Variants in TCF25 observed in about 807,000 individuals in gnomAD.
The protein encoded by TCF25 is ribosome quality control complex subunit TCF25.
A neutral mutation model predicts 83.1 loss-of-function variants in TCF25; 41 were observed. The observed-to-expected ratio is 0.49, with a 90% CI of 0.38 to 0.64. The LOEUF is 0.64. Among genes scored for constraint, TCF25 ranks in the 30% least tolerant of loss-of-function variants. The pLI is 0.00. For missense variants in TCF25, 979 were observed against 914.5 expected (o/e 1.07, Z -0.91); for synonymous variants, 458 against 365.0 (o/e 1.25, Z -2.90).
At chr16:89,889,263 G>T in intron 5 of TCF25, 2 of 395,834 alleles carry the variant, frequency 5.1e-6, no homozygotes, top group South Asian at 1.9e-5. Context: ...GTCTGGTTTT[G>T]AACTCGTGGC....
chr16:89,882,006 G>A (rs1337221747), intron 1 of TCF25, among the ~76,000 whole-genome samples: 1 of 152,100 alleles, frequency 6.6e-6, no homozygotes, highest in South Asian at 2.1e-4. Flanking sequence ...ACCCACCTCG[G>A]CCTCCCAAAG....
chr16:89,873,936 G>C, intron 1 of TCF25, 77 bp downstream of exon 1: 1 of 1,436,368 alleles, frequency 7.0e-7, no homozygotes, highest in South Asian at 1.4e-5. Flanking sequence ...CAGCCGGGTC[G>C]GGGAGCGGGG....
rs1014319366 is a variant in TCF25 at position 89,884,343 on chromosome 16, T to C, written c.355-239T>C. Among the ~76,000 whole-genome samples, 6 of 152,124 alleles carry C rather than the reference T, an allele frequency of 3.9e-5. No homozygotes were observed. In the East Asian group the frequency reaches 1.2e-3, roughly 29 times the overall value. On this transcript the variant is annotated intron_variant, in intron 2 of 17. Transcript: ENST00000263346. ...TGAGAGCTGGACCTGGTCAGGGTCCTGTGAGCCTGTGAGGCTGGACACAGA... is the reference window on the plus strand; with the variant it reads ...TGAGAGCTGGACCTGGTCAGGGTCCCGTGAGCCTGTGAGGCTGGACACAGA...
intron 6 of TCF25, among the ~76,000 whole-genome samples, chr16:89,892,480 C>T (rs1243585861): frequency 6.6e-6 from 1 of 152,100 alleles, no homozygotes; most frequent in African/African-American, 2.4e-5. Context: ...AGGAGCGCTC[C>T]AGGAGTGTGC....
Position 89,894,015 on chromosome 16 carries a change from C to G in TCF25, c.828+157C>G, listed in dbSNP as rs564263972. The G allele has an allele frequency of 2.5e-5, 28 of 1,099,690 alleles. No individual in the cohort carries two copies. The East Asian group carries it at 7.1e-4, about 28-fold the overall frequency. The allele number at this position is 1,099,690 out of a possible 1,614,324, so 68.1% of individuals were successfully genotyped here. ...CTGCAGGGCGGTCTGGCCCTGTGACCAGAAGGAGATGTGTTCGGAGGCTCT... is the reference window on the plus strand; with the variant it reads ...CTGCAGGGCGGTCTGGCCCTGTGACGAGAAGGAGATGTGTTCGGAGGCTCT... On this transcript the variant is annotated intron_variant, in intron 7 of 17. Transcript: ENST00000263346.
Position 89,873,822 on chromosome 16 carries a change from G to A in TCF25, c.155G>A (p.Gly52Glu), listed in dbSNP as rs940267951. 1.3e-6 allele frequency: 2 copies of A among 1,587,950 alleles called. No individual in the cohort carries two copies. Among genetic ancestry groups the A allele is most frequent in the Admixed American group, 3.6e-5 (2 of 55,230 alleles). The change falls in exon 1 of 18, where the codon GGG (glycine) becomes GAG (glutamate). Residue 52 changes from glycine to glutamate, a missense_variant. Physicochemically the swap from Gly to Glu is moderately conservative, Grantham distance 98 (BLOSUM62 -2). Coordinates refer to ENST00000263346, the MANE Select transcript of TCF25 (RefSeq NM_014972.3). ...GGTGTCCGGCGTCCCGGGGGCGCAG[G>A]GAAGGAGGGCGTCCGAGTCAACAAC... ...ELGVRRPGGA[G>E]KEGVRVNNRF...
chr16:89,881,165 C>A (rs545500400), intron 1 of TCF25, among the ~76,000 whole-genome samples: 2 of 152,124 alleles, frequency 1.3e-5, no homozygotes, highest in Non-Finnish European at 1.5e-5. Flanking sequence ...GAGAGAAAGC[C>A]GACTGACCGG....
chr16:89,897,477 C>G (rs2043952956), intron 9 of TCF25, among the ~76,000 whole-genome samples: 1 of 152,252 alleles, frequency 6.6e-6, no homozygotes, highest in African/African-American at 2.4e-5. Context: ...TCTCAGCCCT[C>G]CTGGCAAGCC....
chr16:89,875,629 TCTC>T (rs1374478211), intron 1 of TCF25, among the ~76,000 whole-genome samples: 3 of 148,878 alleles, frequency 2.0e-5, no homozygotes, highest in African/African-American at 7.4e-5. Context: ...TTCACGCCAT[TCTC>T]CTGCCTCAGC....
In TCF25 at chr16:89,911,331, G is replaced by A. The variant is rs146363553; in HGVS notation, c.*93G>A. The A allele has an allele frequency of 2.8e-3, 4,249 of 1,512,658 alleles. 62 individuals carry two copies. In the South Asian group the frequency reaches 0.03, roughly 11 times the overall value. The allele number at this position is 1,512,658 out of a possible 1,614,324, so 93.7% of individuals were successfully genotyped here. A position where few individuals can be genotyped will look rare whatever the true frequency, so the allele number is the denominator to read the frequency against. ...CAGTTGCCTGAAGTAGGGAAGCTGA[G>A]TGTGTCGCTCCCTGGTCCACTGTTT... On this transcript the variant is annotated 3_prime_UTR_variant, in exon 18 of 18. Coordinates refer to ENST00000263346, the MANE Select transcript of TCF25 (RefSeq NM_014972.3).
chr16:89,874,263 T>G (rs1387575541), intron 1 of TCF25, among the ~76,000 whole-genome samples: 1 of 143,294 alleles, frequency 7.0e-6, no homozygotes, highest in African/African-American at 2.6e-5. Context: ...TAAATGGGCC[T>G]GCGGCCACGT....
In TCF25 at chr16:89,886,589, C is replaced by G. The variant is rs183772376; in HGVS notation, c.548+623C>G. Among the ~76,000 whole-genome samples the G allele has an allele frequency of 4.6e-5, 7 of 151,970 alleles. No individual in the cohort carries two copies. In the East Asian group the frequency reaches 1.4e-3, roughly 29 times the overall value. ...ACCAGCCTGACCAAGATGGAGAAAC[C>G]CCATCTCTAGTAAAAGTACAAAATT... is the stretch of plus-strand genomic sequence containing the variant. On this transcript the variant is annotated intron_variant, in intron 4 of 17. Transcript: ENST00000263346.
chr16:89,907,346 ACCTCCCAGCTCCCACCTCCCT>A (rs2044886256), intron 16 of TCF25, 24 bp downstream of exon 16: 2 of 1,528,278 alleles, frequency 1.3e-6, no homozygotes, highest in Admixed American at 1.7e-5. Context: ...TCCAGTTCCC[ACCTCCCAGCTCCCACCTCCCT>A]CCTCCCAGTT....
chr16:89,896,881 C>G (rs62052180), intron 9 of TCF25, among the ~76,000 whole-genome samples: 11,391 of 152,092 alleles, frequency 0.075, 646 homozygotes, highest in East Asian at 0.26. Context: ...AAACTAGCTG[C>G]GCCTGGTGGC....
At chr16:89,881,300 T>C (rs2042589779) in intron 1 of TCF25, among the ~76,000 whole-genome samples, 1 of 152,192 alleles carries the variant, frequency 6.6e-6, no homozygotes, top group East Asian at 1.9e-4. Flanking sequence ...GGCTTGGAGC[T>C]GATTGTGTTT....
chr16:89,896,521 C>G (rs2043860589), intron 9 of TCF25, among the ~76,000 whole-genome samples: 1 of 151,646 alleles, frequency 6.6e-6, no homozygotes, highest in African/African-American at 2.4e-5. Flanking sequence ...AGTCTGAGCA[C>G]CGTGGCAACA....
Position 89,910,312 on chromosome 16 carries a change from T to G in TCF25, c.1800-279T>G, listed in dbSNP as rs571012872. ...AAGGCACCTGTGCAGTGGCCGAGGATGGCTGTGGGAGCCTCGCTCCGGACG... is the reference window on the plus strand; with the variant it reads ...AAGGCACCTGTGCAGTGGCCGAGGAGGGCTGTGGGAGCCTCGCTCCGGACG... On this transcript the variant is annotated intron_variant, in intron 16 of 17. Coordinates refer to ENST00000263346, the MANE Select transcript of TCF25 (RefSeq NM_014972.3). The G allele has an allele frequency of 7.0e-5, 37 of 530,252 alleles. No individual in the cohort carries two copies. In the South Asian group the frequency reaches 8.1e-4, roughly 12 times the overall value. 32.8% of individuals were successfully genotyped at this position (530,252 alleles called of 1,614,324 possible). A position where few individuals can be genotyped will look rare whatever the true frequency, so the allele number is the denominator to read the frequency against.
At chr16:89,885,788 T>A (rs200061763) in intron 3 of TCF25, 60 bp from the exon 4 acceptor site, 7 of 1,363,488 alleles carry the variant, frequency 5.1e-6, no homozygotes, top group Non-Finnish European at 7.3e-6. Flanking sequence ...ATTTTGTTAT[T>A]GTTACAATAT....
intron 5 of TCF25, among the ~76,000 whole-genome samples, chr16:89,891,972 A>G (rs2043466653): frequency 6.6e-6 from 1 of 151,966 alleles, no homozygotes; most frequent in African/African-American, 2.4e-5. Flanking sequence ...GCCCAGCCAG[A>G]ATTGTTTCTT....
Sources: gnomAD v4.1 joint callset for allele counts (sites outside exome capture counted in the v4.1 genomes callset) on GRCh38, gnomAD v4.1.1 for gene constraint, MANE v1.5 for transcripts, NCBI Gene and HGNC (gene_info 2026-07-23, HGNC 2026-07-21) for gene names.